The following FAM228B variants were observed in gnomAD, a reference collection of about 807,000 sequenced individuals.
FAM228B encodes the protein family with sequence similarity 228 member B.
In FAM228B, 38 loss-of-function variants were observed where a neutral mutation model predicts 42.6. That is an observed-to-expected ratio of 0.89 (90% CI 0.69 to 1.17). The LOEUF (loss-of-function observed/expected upper bound fraction) is 1.17. Among genes scored for constraint, FAM228B ranks in the 50% most tolerant of loss-of-function variants. FAM228B has a pLI of 0.00. For synonymous variants in FAM228B, 109 were observed against 122.3 expected (o/e 0.89, Z 0.72); for missense variants, 344 against 367.3 (o/e 0.94, Z 0.52).
chr2:24,115,672 C>T, intron 3 of FAM228B: 1 of 1,541,964 alleles, frequency 6.5e-7, no homozygotes, highest in South Asian at 1.1e-5. Context: ...ACAAATGATT[C>T]ATTCATCCAT....
intron 3 of FAM228B, among the ~76,000 whole-genome samples, chr2:24,114,640 C>G (rs1445247704): frequency 6.6e-6 from 1 of 151,966 alleles, no homozygotes; most frequent in African/African-American, 2.4e-5. Context: ...TTTAAGTAGT[C>G]GAAGGTGGTC....
At chr2:24,117,182 A>G (rs1665948004) in intron 3 of FAM228B, among the ~76,000 whole-genome samples, 1 of 151,498 alleles carries the variant, frequency 6.6e-6, no homozygotes, top group African/African-American at 2.4e-5. Flanking sequence ...ACCTGGTCTA[A>G]TTTATGTATT....
chr2:24,096,578 T>A (rs1204603366), intron 3 of FAM228B: 1 of 152,012 alleles, frequency 6.6e-6, no homozygotes, highest in Non-Finnish European at 1.5e-5. Context: ...AAGACAAGGT[T>A]ACAGGAAAAA....
chr2:24,126,087 T>C (rs536110298), intron 2 of FAM228B, among the ~76,000 whole-genome samples: 39 of 152,362 alleles, frequency 2.6e-4, no homozygotes, highest in African/African-American at 8.7e-4. Flanking sequence ...ACATTTGGGT[T>C]GATTCCAGTT....
chr2:24,138,945 C>CAAA (rs35466262), intron 4 of FAM228B, among the ~76,000 whole-genome samples: 174 of 134,156 alleles, frequency 1.3e-3, no homozygotes, highest in African/African-American at 4.0e-3. Flanking sequence ...GACTCTGTCT[C>CAAA]AAAAAAAAAA....
chr2:24,132,470 T>G (rs1256596525), intron 2 of FAM228B, among the ~76,000 whole-genome samples: 4 of 137,156 alleles, frequency 2.9e-5, no homozygotes, highest in African/African-American at 5.7e-5. Context: ...GATTGTTTTT[T>G]TTTTTTTTTT....
chr2:24,115,483 C>T, intron 3 of FAM228B: 1 of 996,322 alleles, frequency 1.0e-6, no homozygotes, highest in Non-Finnish European at 1.5e-6. Context: ...TTTTTTAGTG[C>T]CTTCTGTCTA....
chr2:24,089,573 C>G (rs1665341159), intron 2 of FAM228B, among the ~76,000 whole-genome samples: 1 of 152,138 alleles, frequency 6.6e-6, no homozygotes, highest in Non-Finnish European at 1.5e-5. Context: ...CATCAGTCCC[C>G]TTACCTTCCT....
intron 3 of FAM228B, among the ~76,000 whole-genome samples, chr2:24,105,095 G>A (rs13428912): frequency 0.12 from 18,124 of 152,198 alleles, 1,257 homozygotes; most frequent in South Asian, 0.18. Context: ...ACCCACCCCC[G>A]CGTCCTGTAG....
chr2:24,113,167 C>A (rs1665826668), intron 3 of FAM228B, among the ~76,000 whole-genome samples: 1 of 152,022 alleles, frequency 6.6e-6, no homozygotes, highest in Non-Finnish European at 1.5e-5. Flanking sequence ...CGACTATGTG[C>A]TAGGTAGTGG....
At chr2:24,144,113 T>C (rs1666832790) in intron 5 of FAM228B, among the ~76,000 whole-genome samples, 2 of 152,164 alleles carry the variant, frequency 1.3e-5, no homozygotes, top group African/African-American at 2.4e-5. Context: ...TCGATAAAAC[T>C]TTAGATTGTT....
intron 2 of FAM228B, among the ~76,000 whole-genome samples, chr2:24,132,313 A>G (rs1012676623): frequency 6.6e-6 from 1 of 152,114 alleles, no homozygotes; most frequent in South Asian, 2.1e-4. Flanking sequence ...TATCTCTGCC[A>G]GATTTTGGTA....
intron 7 of FAM228B, among the ~76,000 whole-genome samples, chr2:24,152,238 T>C (rs554508106): frequency 3.9e-5 from 6 of 152,378 alleles, no homozygotes; most frequent in Admixed American, 3.9e-4. Context: ...TTCTCTGTGT[T>C]ATCATGAATT....
intron 3 of FAM228B, chr2:24,096,338 G>A (rs1665497652): frequency 6.6e-6 from 1 of 152,174 alleles, no homozygotes; most frequent in African/African-American, 2.4e-5. Flanking sequence ...ACTTCTCCGA[G>A]CTAAAGGAGG....
chr2:24,086,157 C>A (rs1243233105), intron 2 of FAM228B, among the ~76,000 whole-genome samples: 1 of 148,998 alleles, frequency 6.7e-6, no homozygotes, highest in East Asian at 2.0e-4. Context: ...ATGGCGTGAA[C>A]CCGGGAGGGG....
At chr2:24,110,773 C>CG (rs1665777641) in intron 3 of FAM228B, among the ~76,000 whole-genome samples, 1 of 152,242 alleles carries the variant, frequency 6.6e-6, no homozygotes, top group South Asian at 2.1e-4. Context: ...ACTCCCCCCC[C>CG]AAATCTGTAG....
At chr2:24,120,220 G>A (rs1666060650), upstream of FAM228B, among the ~76,000 whole-genome samples, 1 of 151,776 alleles carries the variant, frequency 6.6e-6, no homozygotes, top group South Asian at 2.1e-4. Context: ...AGTGAGCCGA[G>A]ATCGTGCCAT....
At chr2:24,135,442 G>A (rs1273908208) in intron 3 of FAM228B, among the ~76,000 whole-genome samples, 1 of 152,154 alleles carries the variant, frequency 6.6e-6, no homozygotes, top group Non-Finnish European at 1.5e-5. Context: ...CTTTGTCTTA[G>A]TGGGTTTCAG....
chr2:24,131,476 C>T (rs1010181300), intron 2 of FAM228B, among the ~76,000 whole-genome samples: 3 of 152,118 alleles, frequency 2.0e-5, no homozygotes, highest in East Asian at 3.8e-4. Flanking sequence ...AATGTTTTTC[C>T]GTTTGTTTCT....
Sources: allele counts gnomAD v4.1 joint callset (sites outside exome capture counted in the v4.1 genomes callset), GRCh38; gene constraint gnomAD v4.1.1; transcripts MANE v1.5; gene names NCBI Gene and HGNC (gene_info 2026-07-23, HGNC 2026-07-21).